SAMTOR: variants seen among roughly 807,000 people sequenced by gnomAD.
SAMTOR encodes the protein UPF0532 protein C7orf60.
the SAMTOR span, among the ~76,000 whole-genome samples, chr7:112,905,544 T>C: frequency 1.3e-5 from 2 of 152,080 alleles, no homozygotes; most frequent in African/African-American, 4.8e-5. Flanking sequence ...AATAAAAATA[T>C]GAAATTAAAT....
the SAMTOR span, among the ~76,000 whole-genome samples, chr7:112,933,460 T>G: frequency 2.6e-5 from 4 of 152,278 alleles, no homozygotes; most frequent in East Asian, 7.7e-4. Context: ...AACAAGTAGC[T>G]CCTTACACAG....
the SAMTOR span, among the ~76,000 whole-genome samples, chr7:112,852,525 A>G: frequency 6.6e-6 from 1 of 152,084 alleles, no homozygotes; most frequent in Non-Finnish European, 1.5e-5. Context: ...ATTTACACTA[A>G]AAGCCCAGAC....
At chr7:112,834,553 G>A in the SAMTOR span, among the ~76,000 whole-genome samples, 7 of 152,082 alleles carry the variant, frequency 4.6e-5, no homozygotes, top group Non-Finnish European at 1.0e-4. Flanking sequence ...CAATTCATGA[G>A]ATTTAAATTG....
the SAMTOR span, among the ~76,000 whole-genome samples, chr7:112,826,752 C>G: frequency 6.6e-6 from 1 of 151,990 alleles, no homozygotes; most frequent in Non-Finnish European, 1.5e-5. Context: ...TATAATTTTC[C>G]CCTAAGTACT....
chr7:112,890,855 T>A, the SAMTOR span, among the ~76,000 whole-genome samples: 1 of 152,134 alleles, frequency 6.6e-6, no homozygotes, highest in East Asian at 1.9e-4. Context: ...TACACCTGGC[T>A]TTTTTGTTAT....
At chr7:112,822,478 T>C in the SAMTOR span, 6 of 949,654 alleles carry the variant, frequency 6.3e-6, no homozygotes, top group Non-Finnish European at 7.8e-6. Flanking sequence ...AATTCCAGCA[T>C]TGATTATACA....
chr7:112,931,676 A>G, the SAMTOR span, among the ~76,000 whole-genome samples: 2 of 152,214 alleles, frequency 1.3e-5, no homozygotes, highest in Non-Finnish European at 2.9e-5. Flanking sequence ...TAATTTCTAT[A>G]TAAATGGAAA....
chr7:112,927,537 C>T, the SAMTOR span, among the ~76,000 whole-genome samples: 1 of 151,796 alleles, frequency 6.6e-6, no homozygotes, highest in Non-Finnish European at 1.5e-5. Context: ...ATTTTCTTAC[C>T]AATTTCTTAT....
the SAMTOR span, among the ~76,000 whole-genome samples, chr7:112,894,685 A>C: frequency 6.6e-6 from 1 of 152,188 alleles, no homozygotes; most frequent in East Asian, 1.9e-4. Flanking sequence ...CCACGAGAAC[A>C]GTATGGGGGA....
At chr7:112,906,467 A>G in the SAMTOR span, among the ~76,000 whole-genome samples, 1 of 152,192 alleles carries the variant, frequency 6.6e-6, no homozygotes, top group Non-Finnish European at 1.5e-5. Context: ...GAGTAAGCAC[A>G]ACAAGAAATG....
At chr7:112,918,597 A>C in the SAMTOR span, among the ~76,000 whole-genome samples, 1 of 152,186 alleles carries the variant, frequency 6.6e-6, no homozygotes, top group Non-Finnish European at 1.5e-5. Context: ...ACACATAACA[A>C]TATCAACTTT....
At chr7:112,835,578 T>G in the SAMTOR span, among the ~76,000 whole-genome samples, 436 of 152,244 alleles carry the variant, frequency 2.9e-3, 3 homozygotes, top group African/African-American at 0.01. Context: ...GATTATTTTG[T>G]CACCCAGGTA....
At chr7:112,917,014 G>C in the SAMTOR span, among the ~76,000 whole-genome samples, 17 of 152,186 alleles carry the variant, frequency 1.1e-4, no homozygotes, top group Non-Finnish European at 2.4e-4. Context: ...CCACCTCTGG[G>C]GGCAGGGCAC....
At chr7:112,920,602 C>A in the SAMTOR span, among the ~76,000 whole-genome samples, 2 of 147,768 alleles carry the variant, frequency 1.4e-5, no homozygotes, top group Admixed American at 6.8e-5. Flanking sequence ...CTGGCCAGGG[C>A]AATTAGGCAG....
At chr7:112,935,167 A>G in the SAMTOR span, 1 of 416,592 alleles carries the variant, frequency 2.4e-6, no homozygotes, top group East Asian at 7.2e-5. Context: ...GAACACAAAA[A>G]GAAAACAGCA....
chr7:112,876,009 G>A, the SAMTOR span, among the ~76,000 whole-genome samples: 1 of 152,132 alleles, frequency 6.6e-6, no homozygotes, highest in Admixed American at 6.5e-5. Context: ...CACTCAGGCT[G>A]GAGTGCAGTG....
the SAMTOR span, among the ~76,000 whole-genome samples, chr7:112,832,885 TATTA>T: frequency 5.3e-5 from 8 of 152,172 alleles, no homozygotes; most frequent in Non-Finnish European, 7.3e-5. Context: ...AATATTCATT[TATTA>T]GACTTAAAAA....
At chr7:112,882,780 A>G in the SAMTOR span, among the ~76,000 whole-genome samples, 1 of 151,708 alleles carries the variant, frequency 6.6e-6, no homozygotes, top group African/African-American at 2.4e-5. Context: ...AAAAAAAAAA[A>G]AAAAAAGAAA....
the SAMTOR span, among the ~76,000 whole-genome samples, chr7:112,922,594 G>T: frequency 6.7e-6 from 1 of 150,342 alleles, no homozygotes; most frequent in Non-Finnish European, 1.5e-5. Flanking sequence ...TGTGGGGAGC[G>T]CCTCTGCCCC....
Sources: allele counts gnomAD v4.1 joint callset (sites outside exome capture counted in the v4.1 genomes callset), GRCh38; gene constraint gnomAD v4.1.1; transcripts MANE v1.5; gene names NCBI Gene and HGNC (gene_info 2026-07-23, HGNC 2026-07-21).